The following FOXP2 variants were observed in gnomAD, a reference collection of about 807,000 sequenced individuals.
FOXP2 encodes the protein forkhead box P2.
Under a neutral mutation model 115.8 loss-of-function variants are expected in FOXP2, and 12 were observed. That is an observed-to-expected ratio of 0.10 (90% CI 0.07 to 0.17). The LOEUF (loss-of-function observed/expected upper bound fraction) is 0.17. Ranked by LOEUF, FOXP2 falls within the 10% of genes least tolerant of loss-of-function variation. The probability of loss-of-function intolerance (pLI) is 1.00; values close to 1 mark genes in which losing one functional copy is unlikely to be tolerated. For synonymous variants in FOXP2, 328 were observed against 297.7 expected, an observed-to-expected ratio of 1.10 and a Z score of -1.05; for missense variants, 629 against 843.5, an observed-to-expected ratio of 0.75 and a Z score of 3.15.
chr7:114,619,719 C>T (rs964765560), intron 3 of FOXP2, among the ~76,000 whole-genome samples: 1 of 151,826 alleles, frequency 6.6e-6, no homozygotes, highest in African/African-American at 2.4e-5. Flanking sequence ...GTTCAGTTAG[C>T]TGTAATGTTT....
chr7:114,328,076 A>G (rs1044796561), intron 2 of FOXP2, among the ~76,000 whole-genome samples: 2 of 150,934 alleles, frequency 1.3e-5, no homozygotes, highest in African/African-American at 4.9e-5. Context: ...GCATACCACC[A>G]TATTTGGCTA....
At chr7:114,500,081 G>A (rs1246157433) in intron 2 of FOXP2, among the ~76,000 whole-genome samples, 1 of 151,918 alleles carries the variant, frequency 6.6e-6, no homozygotes, top group Non-Finnish European at 1.5e-5. Context: ...CAGGCTTGGT[G>A]GCGGGCGCCT....
chr7:114,678,420 G>A (rs1807890601), intron 16 of FOXP2, among the ~76,000 whole-genome samples: 1 of 152,032 alleles, frequency 6.6e-6, no homozygotes, highest in Non-Finnish European at 1.5e-5. Context: ...CTGATATGTA[G>A]GGACATGTCT....
In FOXP2 at chr7:114,601,582, A is replaced by G. The variant is rs576176940; in HGVS notation, c.259-26958A>G. On this transcript the variant is annotated intron_variant, in intron 3 of 16. Coordinates refer to ENST00000350908, the MANE Select transcript of FOXP2 (RefSeq NM_014491.4). ...CTATTAAGGTAGATTCAGATGATCA[A>G]TTTTTCAGCCTTTCTTTATGTCTAA... 2.6e-5 allele frequency among the ~76,000 whole-genome samples: 4 copies of G among 152,062 alleles called. No homozygotes were observed. In the East Asian group the frequency reaches 7.7e-4, roughly 29 times the overall value.
intron 3 of FOXP2, among the ~76,000 whole-genome samples, chr7:114,598,743 C>T (rs1802856839): frequency 6.6e-6 from 1 of 151,976 alleles, no homozygotes; most frequent in Non-Finnish European, 1.5e-5. Flanking sequence ...CCATTAACAA[C>T]AAAAAGTAAG....
chr7:114,630,121 A>G, intron 5 of FOXP2, 116 bp downstream of exon 5: 1 of 1,573,258 alleles, frequency 6.4e-7, no homozygotes, highest in South Asian at 1.1e-5. Flanking sequence ...AAGTTGCAGT[A>G]TTATATATTT....
chr7:114,335,799 A>G (rs1355426487), intron 2 of FOXP2, among the ~76,000 whole-genome samples: 1 of 151,736 alleles, frequency 6.6e-6, no homozygotes, highest in South Asian at 2.1e-4. Context: ...AGTCTTTCCT[A>G]TATAATAGGC....
chr7:114,427,138 C>T (rs1793893009), intron 2 of FOXP2, among the ~76,000 whole-genome samples: 1 of 151,612 alleles, frequency 6.6e-6, no homozygotes, highest in Non-Finnish European at 1.5e-5. Context: ...CAAATATTAG[C>T]TATTAATTAG....
chr7:114,659,315 G>T, intron 11 of FOXP2, 41 bp from the exon 12 acceptor site: 1 of 1,340,734 alleles, frequency 7.5e-7, no homozygotes, highest in South Asian at 1.2e-5. Context: ...TATATAATGT[G>T]AATTATTAGC....
chr7:114,328,885 G>A (rs961052620), intron 2 of FOXP2, among the ~76,000 whole-genome samples: 1 of 152,122 alleles, frequency 6.6e-6, no homozygotes, highest in African/African-American at 2.4e-5. Context: ...TACTAACCAT[G>A]ATATACTCTC....
At chr7:114,656,598 C>A in intron 10 of FOXP2, 1 of 386,862 alleles carries the variant, frequency 2.6e-6, no homozygotes, top group South Asian at 1.8e-5. Context: ...CATTTATGTA[C>A]GTAACAAAGA....
intron 1 of FOXP2, among the ~76,000 whole-genome samples, chr7:114,232,696 C>G (rs1273117095): frequency 1.3e-5 from 2 of 151,908 alleles, no homozygotes; most frequent in African/African-American, 4.8e-5. Context: ...GCCTGTAATT[C>G]CAGCTACTCC....
intron 3 of FOXP2, among the ~76,000 whole-genome samples, chr7:114,579,644 T>A (rs1801746967): frequency 6.6e-6 from 1 of 152,184 alleles, no homozygotes; most frequent in Admixed American, 6.5e-5. Flanking sequence ...TCAGTTACTG[T>A]TGCACATGAA....
At chr7:114,253,292 T>C (rs555129322) in intron 1 of FOXP2, among the ~76,000 whole-genome samples, 1 of 152,272 alleles carries the variant, frequency 6.6e-6, no homozygotes, top group East Asian at 1.9e-4. Context: ...GAGAGTTCTG[T>C]AGATGTCTAT....
chr7:114,133,015 C>T (rs572734981), intron 1 of FOXP2, among the ~76,000 whole-genome samples: 24 of 152,122 alleles, frequency 1.6e-4, no homozygotes, highest in African/African-American at 2.4e-4. Context: ...GAAACAGGGA[C>T]GAAACCGGTT....
chr7:114,321,725 G>A (rs1468008892), intron 2 of FOXP2, among the ~76,000 whole-genome samples: 2 of 152,136 alleles, frequency 1.3e-5, no homozygotes, highest in African/African-American at 2.4e-5. Context: ...AGCTGGTAGA[G>A]TCTCCATGAC....
At chr7:114,627,935 C>CAT (rs1363964205) in intron 3 of FOXP2, among the ~76,000 whole-genome samples, 3 of 151,728 alleles carry the variant, frequency 2.0e-5, no homozygotes, top group Non-Finnish European at 2.9e-5. Flanking sequence ...CAGACACACA[C>CAT]ACACATATAT....
At chr7:114,276,787 T>C (rs1487000756) in intron 1 of FOXP2, among the ~76,000 whole-genome samples, 23 of 152,182 alleles carry the variant, frequency 1.5e-4, no homozygotes, top group Admixed American at 1.5e-3. Flanking sequence ...TTGGAAGAAT[T>C]GATTTTTCAG....
chr7:114,569,399 A>G (rs1171072304), intron 3 of FOXP2, among the ~76,000 whole-genome samples: 4 of 151,922 alleles, frequency 2.6e-5, no homozygotes, highest in Non-Finnish European at 5.9e-5. Flanking sequence ...CTATCAAGGA[A>G]CAGTAGGTTA....
Sources: allele counts gnomAD v4.1 joint callset (sites outside exome capture counted in the v4.1 genomes callset), GRCh38; gene constraint gnomAD v4.1.1; transcripts MANE v1.5; gene names NCBI Gene and HGNC (gene_info 2026-07-23, HGNC 2026-07-21).